NCAM2: variants seen among roughly 807,000 people sequenced by gnomAD.
NCAM2 encodes neural cell adhesion molecule 2.
A neutral mutation model predicts 98.1 loss-of-function variants in NCAM2; 30 were observed. The ratio of observed to expected loss-of-function variants is 0.31; its 90% CI spans 0.23 to 0.41. The LOEUF is 0.41. NCAM2 is among the 10% of genes least tolerant of loss of function. NCAM2 has a pLI of 1.00. For missense variants in NCAM2, 867 were observed against 1,005.8 expected, an observed-to-expected ratio of 0.86 and a Z score of 1.87; for synonymous variants, 368 against 342.4, an observed-to-expected ratio of 1.07 and a Z score of -0.83.
intron 1 of NCAM2, among the ~76,000 whole-genome samples, chr21:21,130,149 T>C (rs2146608357): frequency 6.6e-6 from 1 of 152,290 alleles, no homozygotes; most frequent in East Asian, 1.9e-4. Flanking sequence ...TATCTAAATA[T>C]ATTTTAAATA....
intron 1 of NCAM2, among the ~76,000 whole-genome samples, chr21:21,264,062 C>G (rs186732500): frequency 6.6e-6 from 1 of 152,100 alleles, no homozygotes; most frequent in East Asian, 1.9e-4. Flanking sequence ...AGAAAACTTA[C>G]AAAATTGGGA....
chr21:21,191,770 G>A (rs1487375565), intron 1 of NCAM2, among the ~76,000 whole-genome samples: 4 of 152,134 alleles, frequency 2.6e-5, no homozygotes, highest in African/African-American at 9.7e-5. Flanking sequence ...AATAAAGCCA[G>A]GCACTGAAAA....
intron 6 of NCAM2, among the ~76,000 whole-genome samples, chr21:21,328,488 C>A (rs1041144066): frequency 2.6e-5 from 4 of 151,516 alleles, no homozygotes; most frequent in African/African-American, 9.7e-5. Context: ...CCCCAAAAGA[C>A]CTTGTAGTGG....
At chr21:21,479,847 A>G (rs913221079) in intron 15 of NCAM2, among the ~76,000 whole-genome samples, 11 of 151,942 alleles carry the variant, frequency 7.2e-5, no homozygotes, top group Admixed American at 6.6e-4. Context: ...CCTGTCACAT[A>G]ACTTGTCAAA....
At chr21:21,267,776 A>T (rs923254530) in intron 1 of NCAM2, among the ~76,000 whole-genome samples, 3 of 152,182 alleles carry the variant, frequency 2.0e-5, no homozygotes, top group African/African-American at 7.2e-5. Context: ...CACTGATTTA[A>T]ATTCTTTATA....
At chr21:21,320,582 A>C (rs1450930816) in intron 5 of NCAM2, among the ~76,000 whole-genome samples, 2 of 152,066 alleles carry the variant, frequency 1.3e-5, no homozygotes, top group Admixed American at 6.6e-5. Flanking sequence ...AGAACATACA[A>C]ATTTTTAAAA....
chr21:21,457,491 T>C (rs374136725), intron 12 of NCAM2, among the ~76,000 whole-genome samples: 2 of 152,032 alleles, frequency 1.3e-5, no homozygotes, highest in South Asian at 4.1e-4. Context: ...AATATAAAAA[T>C]TAGCTGGGCT....
At chr21:21,217,829 C>A (rs986076798) in intron 1 of NCAM2, among the ~76,000 whole-genome samples, 1 of 152,120 alleles carries the variant, frequency 6.6e-6, no homozygotes, top group South Asian at 2.1e-4. Flanking sequence ...AGAAAGACAC[C>A]ACCACATCTG....
intron 16 of NCAM2, among the ~76,000 whole-genome samples, chr21:21,526,992 T>A (rs1796793485): frequency 6.6e-6 from 1 of 152,118 alleles, no homozygotes; most frequent in African/African-American, 2.4e-5. Flanking sequence ...AATATTGACC[T>A]AAATATAAAT....
intron 8 of NCAM2, among the ~76,000 whole-genome samples, chr21:21,358,971 A>G (rs545317991): frequency 6.6e-6 from 1 of 152,032 alleles, no homozygotes; most frequent in Non-Finnish European, 1.5e-5. Context: ...ATATAAATCA[A>G]TTAGTAAGGA....
intron 8 of NCAM2, among the ~76,000 whole-genome samples, chr21:21,338,736 A>G (rs184538023): frequency 8.6e-4 from 131 of 152,266 alleles, no homozygotes; most frequent in African/African-American, 3.1e-3. Flanking sequence ...ATATTTAAAG[A>G]TGTTCTTTAT....
intron 11 of NCAM2, among the ~76,000 whole-genome samples, chr21:21,430,747 G>A (rs776023254): frequency 9.2e-5 from 14 of 151,850 alleles, no homozygotes; most frequent in Non-Finnish European, 1.9e-4. Flanking sequence ...GGGATTATGG[G>A]AATTAAAAAT....
intron 12 of NCAM2, among the ~76,000 whole-genome samples, chr21:21,452,197 T>C (rs1055279203): frequency 2.9e-5 from 3 of 102,650 alleles, no homozygotes; most frequent in Admixed American, 9.5e-5. Context: ...CACACACACA[T>C]AGATGTATGT....
At chr21:21,189,576 A>T (rs1006634403) in intron 1 of NCAM2, among the ~76,000 whole-genome samples, 4 of 151,974 alleles carry the variant, frequency 2.6e-5, no homozygotes, top group African/African-American at 4.8e-5. Context: ...AAAAATAAAT[A>T]AAAAAAATAA....
intron 1 of NCAM2, among the ~76,000 whole-genome samples, chr21:21,027,492 TA>T (rs1234742267): frequency 6.6e-6 from 1 of 152,232 alleles, no homozygotes; most frequent in Non-Finnish European, 1.5e-5. Context: ...CATTTGGAAA[TA>T]ATTTGTAAAC....
chr21:21,104,242 G>T (rs144177490), intron 1 of NCAM2, among the ~76,000 whole-genome samples: 3 of 152,040 alleles, frequency 2.0e-5, no homozygotes, highest in Non-Finnish European at 4.4e-5. Flanking sequence ...CCGTAGAGAC[G>T]TAAGTTGTTT....
chr21:21,324,565 G>C, intron 6 of NCAM2, 65 bp downstream of exon 6: 1 of 770,444 alleles, frequency 1.3e-6, no homozygotes, highest in Non-Finnish European at 1.9e-6. Flanking sequence ...CAGTATTGGG[G>C]ATCTTAATCA....
At chr21:21,246,070 T>C (rs1355136236) in intron 1 of NCAM2, among the ~76,000 whole-genome samples, 1 of 152,212 alleles carries the variant, frequency 6.6e-6, no homozygotes, top group African/African-American at 2.4e-5. Flanking sequence ...CGTACTACTT[T>C]GAAGACTAGT....
At chr21:21,265,139 AT>A (rs1478557107) in intron 1 of NCAM2, among the ~76,000 whole-genome samples, 49 of 119,578 alleles carry the variant, frequency 4.1e-4, no homozygotes, top group African/African-American at 1.5e-3. Context: ...ATATACATAT[AT>A]AATATATATA....
Sources: allele counts gnomAD v4.1 joint callset (sites outside exome capture counted in the v4.1 genomes callset), GRCh38; gene constraint gnomAD v4.1.1; transcripts MANE v1.5; gene names NCBI Gene and HGNC (gene_info 2026-07-23, HGNC 2026-07-21).